Variants in CUX2 observed in about 807,000 individuals in gnomAD.
CUX2 encodes the protein homeobox protein cut-like 2.
Under a neutral mutation model 144.8 loss-of-function variants are expected in CUX2, and 40 were observed. That is an observed-to-expected ratio of 0.28 (90% CI 0.21 to 0.36). The LOEUF (loss-of-function observed/expected upper bound fraction) is 0.36. CUX2 is among the 10% of genes least tolerant of loss of function. The pLI, the probability that CUX2 is intolerant of heterozygous loss-of-function variation, is 1.00. For missense variants in CUX2, 1,615 were observed against 1,994.0 expected (o/e 0.81, Z 3.62); for synonymous variants, 827 against 875.6 (o/e 0.94, Z 0.98).
intron 1 of CUX2, among the ~76,000 whole-genome samples, chr12:111,185,137 T>G (rs962240322): frequency 6.6e-6 from 1 of 152,260 alleles, no homozygotes; most frequent in Admixed American, 6.5e-5. Flanking sequence ...AGATTCTGCT[T>G]CTGTATTTGC....
Position 111,304,336 on chromosome 12 carries a change from T to C in CUX2, c.858+22T>C. 5.6e-6 allele frequency: 9 copies of C among 1,593,348 alleles called. No individual in the cohort carries two copies. The highest frequency in any genetic ancestry group is 7.7e-6 in the Non-Finnish European group (9 of 1,163,090). On this transcript the variant is annotated intron_variant, in intron 10 of 21. Coordinates refer to ENST00000261726, the MANE Select transcript of CUX2 (RefSeq NM_015267.4). The surrounding 1 kb of genome is among the most constrained non-coding windows in gnomAD (Gnocchi z 4.7). The stretch of plus-strand genomic sequence containing the variant: ...TGGGGTAAGGATGGGGTTGGGGAAG[T>C]GAGCAGGGAGGGCAGAGGGAAAGAT...
intron 1 of CUX2, among the ~76,000 whole-genome samples, chr12:111,044,633 T>C (rs1869911852): frequency 6.6e-6 from 1 of 152,206 alleles, no homozygotes; most frequent in African/African-American, 2.4e-5. Context: ...ATAATATTTA[T>C]TTGTGTATTT....
intron 1 of CUX2, among the ~76,000 whole-genome samples, chr12:111,097,027 CAGA>C (rs1566216842): frequency 6.6e-6 from 1 of 152,072 alleles, no homozygotes; most frequent in Non-Finnish European, 1.5e-5. Flanking sequence ...ATCTTGGCTT[CAGA>C]AGGTGAGTCC....
intron 1 of CUX2, among the ~76,000 whole-genome samples, chr12:111,170,169 G>GT (rs1878426928): frequency 6.6e-6 from 1 of 152,182 alleles, no homozygotes; most frequent in South Asian, 2.1e-4. Flanking sequence ...GCCAGGCGTG[G>GT]TGGCTCACGC....
chr12:111,040,680 C>G (rs554753627), intron 1 of CUX2, among the ~76,000 whole-genome samples: 1 of 152,268 alleles, frequency 6.6e-6, no homozygotes, highest in African/African-American at 2.4e-5. Flanking sequence ...GACCATAGAA[C>G]CCTCTCAGGG....
At chr12:111,154,729 A>T (rs901619852) in intron 1 of CUX2, among the ~76,000 whole-genome samples, 8 of 152,164 alleles carry the variant, frequency 5.3e-5, no homozygotes, top group African/African-American at 1.9e-4. Context: ...GACTCCAGGG[A>T]AGGACTGTTC....
intron 4 of CUX2, among the ~76,000 whole-genome samples, chr12:111,276,974 T>C (rs139640620): frequency 4.4e-4 from 67 of 152,162 alleles, no homozygotes; most frequent in African/African-American, 1.6e-3. Context: ...AAGTGAGATA[T>C]AGAGATATGC....
At chr12:111,051,024 G>A (rs80229437) in intron 1 of CUX2, among the ~76,000 whole-genome samples, 1,534 of 152,288 alleles carry the variant, frequency 0.01, 25 homozygotes, top group African/African-American at 0.036. Flanking sequence ...TCCAGTACCT[G>A]GGTGATGGAT....
intron 3 of CUX2, among the ~76,000 whole-genome samples, chr12:111,227,485 G>A (rs901489612): frequency 1.3e-5 from 2 of 152,162 alleles, no homozygotes; most frequent in African/African-American, 4.8e-5. Context: ...GAGGATCGTG[G>A]TGATTCAGTG....
intron 18 of CUX2, among the ~76,000 whole-genome samples, chr12:111,328,979 CTCTCT>C (rs1887962595): frequency 1.3e-5 from 1 of 77,650 alleles, no homozygotes; most frequent in Non-Finnish European, 2.2e-5. Context: ...CTCTCTCCCC[CTCTCT>C]CCCTCTCTCC....
At chr12:111,326,910 G>GAAAC (rs1025700950) in intron 18 of CUX2, among the ~76,000 whole-genome samples, 1 of 152,090 alleles carries the variant, frequency 6.6e-6, no homozygotes, top group Non-Finnish European at 1.5e-5. Flanking sequence ...CTCAAACAAA[G>GAAAC]AAACAAACAA....
At chr12:111,338,250 C>T in intron 19 of CUX2, 36 bp from the exon 20 acceptor site, 1 of 1,564,286 alleles carries the variant, frequency 6.4e-7, no homozygotes, top group African/African-American at 1.3e-5. Context: ...TCTGCCCAGC[C>T]TCGGGTAACA....
rs553446923 is a variant in CUX2 at position 111,077,944 on chromosome 12, G to A, written c.63+43704G>A. ...GAAGAAATTTTTGCTTAATGTAACA[G>A]CAAGAAAGAAGAGAGGAAACAAAGG... is the stretch of plus-strand genomic sequence containing the variant. On this transcript the variant is annotated intron_variant, in intron 1 of 21. Coordinates refer to ENST00000261726, the MANE Select transcript of CUX2 (RefSeq NM_015267.4). This position sits in a 1 kb window ranked among gnomAD's most constrained non-coding sequence, Gnocchi z 4.1. Among the ~76,000 whole-genome samples, 3 of 152,324 alleles carry A rather than the reference G, an allele frequency of 2.0e-5. No homozygotes were observed. The highest frequency in any genetic ancestry group is 4.4e-5 in the Non-Finnish European group (3 of 68,030).
intron 3 of CUX2, among the ~76,000 whole-genome samples, chr12:111,245,054 GC>G (rs920408662): frequency 1.3e-5 from 2 of 152,074 alleles, no homozygotes; most frequent in Non-Finnish European, 2.9e-5. Flanking sequence ...CCCCATCCAA[GC>G]CCCCCTACTC....
chr12:111,311,372 C>G (rs555705838), intron 15 of CUX2, among the ~76,000 whole-genome samples: 1 of 152,134 alleles, frequency 6.6e-6, no homozygotes, highest in Non-Finnish European at 1.5e-5. Flanking sequence ...ACTGCAACCT[C>G]TGCCTCCTGG....
intron 1 of CUX2, among the ~76,000 whole-genome samples, chr12:111,117,301 T>G (rs1382274021): frequency 6.6e-6 from 1 of 152,216 alleles, no homozygotes; most frequent in Non-Finnish European, 1.5e-5. Context: ...CCATCATATA[T>G]GGGCAGTGGA....
Position 111,338,370 on chromosome 12 carries a change from A to C in CUX2, c.3281A>C (p.Lys1094Thr). The C allele has an allele frequency of 6.2e-7, 1 of 1,614,164 alleles. No individual in the cohort carries two copies. ...CTGTCCCGGCCCAAACCCTGGCACA[A>C]GCTGAGCCTGAAGGGGCGGGAGCCT... The part of the protein sequence containing the change: ...DLLSRPKPWH[K>T]LSLKGREPFV... Residue 1094 changes from lysine to threonine, a missense_variant, in exon 20 of 22, where the codon AAG (lysine) becomes ACG (threonine). Lys to Thr is a moderately conservative substitution (Grantham distance 78). This residue lies in a region of CUX2 where 131 missense variants were observed against 223.1 expected (regional missense o/e 0.59). Coordinates refer to ENST00000261726, the MANE Select transcript of CUX2 (RefSeq NM_015267.4).
intron 1 of CUX2, among the ~76,000 whole-genome samples, chr12:111,128,633 G>A (rs1875243070): frequency 1.3e-5 from 2 of 152,138 alleles, no homozygotes; most frequent in Non-Finnish European, 2.9e-5. Context: ...CAGAGCACAG[G>A]GTCATTTGGG....
At chr12:111,105,394 C>G (rs996414886) in intron 1 of CUX2, among the ~76,000 whole-genome samples, 2 of 152,246 alleles carry the variant, frequency 1.3e-5, no homozygotes, top group Non-Finnish European at 2.9e-5. Flanking sequence ...TGTCCGCCTC[C>G]TCCCAGGAAG....
Sources: gnomAD v4.1 joint callset for allele counts (sites outside exome capture counted in the v4.1 genomes callset) on GRCh38, gnomAD v4.1.1 for gene constraint, gnomAD v4.1.1 regional missense constraint, Gnocchi (gnomAD v3.1) non-coding constraint, MANE v1.5 for transcripts, NCBI Gene and HGNC (gene_info 2026-07-23, HGNC 2026-07-21) for gene names.